The following SAMD5 variants were observed in gnomAD, a reference collection of about 807,000 sequenced individuals.
SAMD5 encodes sterile alpha motif domain-containing protein 5.
In SAMD5, 13 loss-of-function variants were observed where a neutral mutation model predicts 11.3. The observed-to-expected ratio is 1.15, with a 90% confidence interval of 0.75 to 1.83. The LOEUF (loss-of-function observed/expected upper bound fraction) is 1.83, where lower values mean the gene tolerates loss of function less well. SAMD5 is among the 40% of genes most tolerant of loss of function. The pLI, the probability that SAMD5 is intolerant of heterozygous loss-of-function variation, is 0.00. For missense variants in SAMD5, 255 were observed against 239.1 expected, an observed-to-expected ratio of 1.07 and a Z score of -0.44; for synonymous variants, 129 against 111.3, an observed-to-expected ratio of 1.16 and a Z score of -1.00.
At chr6:147,773,763 G>A in the SAMD5 span, among the ~76,000 whole-genome samples, 1 of 152,072 alleles carries the variant, frequency 6.6e-6, no homozygotes. Flanking sequence ...GTCAACATAT[G>A]AATGATCTGG....
At chr6:147,526,156 G>T (rs1487936216) in intron 1 of SAMD5, among the ~76,000 whole-genome samples, 1 of 152,208 alleles carries the variant, frequency 6.6e-6, no homozygotes, top group Non-Finnish European at 1.5e-5. Flanking sequence ...GGGAATGGGA[G>T]CAGTGTTTTG....
chr6:147,720,052 G>C (rs1470590218), intron 1 of SAMD5, among the ~76,000 whole-genome samples: 1 of 152,136 alleles, frequency 6.6e-6, no homozygotes, highest in African/African-American at 2.4e-5. Context: ...TCTTTCACAG[G>C]TCTAGATAAA....
chr6:147,772,948 A>G, the SAMD5 span, among the ~76,000 whole-genome samples: 4 of 152,132 alleles, frequency 2.6e-5, no homozygotes, highest in African/African-American at 4.8e-5. Context: ...AGTGCCCGCT[A>G]TGCTGTTTTG....
the SAMD5 span, among the ~76,000 whole-genome samples, chr6:147,815,925 C>T: frequency 6.6e-6 from 1 of 151,748 alleles, no homozygotes; most frequent in Non-Finnish European, 1.5e-5. Flanking sequence ...CAAAATGAGC[C>T]CCTTTTGGAA....
At chr6:147,577,431 A>G (rs1789232627) in intron 1 of SAMD5, among the ~76,000 whole-genome samples, 1 of 152,126 alleles carries the variant, frequency 6.6e-6, no homozygotes, top group Non-Finnish European at 1.5e-5. Flanking sequence ...CATTACAATA[A>G]TTGCCTCAAA....
At chr6:147,931,989 C>T in the SAMD5 span, among the ~76,000 whole-genome samples, 1 of 152,112 alleles carries the variant, frequency 6.6e-6, no homozygotes, top group Non-Finnish European at 1.5e-5. Context: ...AGAAATCTTC[C>T]ACATCTATCT....
At chr6:147,596,344 C>A (rs948198032) in intron 1 of SAMD5, among the ~76,000 whole-genome samples, 2 of 152,130 alleles carry the variant, frequency 1.3e-5, no homozygotes, top group African/African-American at 2.4e-5. Flanking sequence ...ATAAAATATT[C>A]TCAAGCATTA....
In SAMD5 at chr6:147,687,887, A is replaced by G. The variant is rs541262262; in HGVS notation, c.163-49430A>G. On this transcript the variant is annotated intron_variant, in intron 1 of 1. Transcript: ENST00000566741. The stretch of plus-strand genomic sequence containing the variant: ...TGGCAACATGAAATAGTAATGTGAC[A>G]TGTATAAGTCTGATTTTCCTGCTTG... Among the ~76,000 whole-genome samples, 23 of 152,322 alleles carry G rather than the reference A, an allele frequency of 1.5e-4. No homozygotes were observed. In the South Asian group the frequency reaches 4.3e-3, roughly 29 times the overall value.
At chr6:147,814,671 C>T in the SAMD5 span, among the ~76,000 whole-genome samples, 1 of 152,146 alleles carries the variant, frequency 6.6e-6, no homozygotes, top group Non-Finnish European at 1.5e-5. Context: ...ACTTAAGAGG[C>T]ACTAGGGGCC....
intron 1 of SAMD5, among the ~76,000 whole-genome samples, chr6:147,684,581 C>T (rs1790983211): frequency 6.6e-6 from 1 of 152,162 alleles, no homozygotes; most frequent in Non-Finnish European, 1.5e-5. Flanking sequence ...CCAACAGTGC[C>T]TGAGAATTCA....
At chr6:147,931,983 A>G in the SAMD5 span, among the ~76,000 whole-genome samples, 69 of 152,312 alleles carry the variant, frequency 4.5e-4, no homozygotes, top group African/African-American at 1.5e-3. Context: ...TTTCACAGAA[A>G]TCTTCCACAT....
chr6:147,770,636 A>G, the SAMD5 span, among the ~76,000 whole-genome samples: 19 of 152,314 alleles, frequency 1.2e-4, no homozygotes, highest in African/African-American at 3.8e-4. Context: ...TTTTTCACCA[A>G]TGGAGTAGAT....
chr6:147,645,094 C>A (rs996202442), intron 1 of SAMD5, among the ~76,000 whole-genome samples: 1 of 152,126 alleles, frequency 6.6e-6, no homozygotes, highest in East Asian at 1.9e-4. Context: ...CCAGAATCCC[C>A]GGACTTTAAC....
At chr6:147,621,163 C>T (rs1391174595) in intron 1 of SAMD5, among the ~76,000 whole-genome samples, 3 of 152,156 alleles carry the variant, frequency 2.0e-5, no homozygotes, top group African/African-American at 7.2e-5. Context: ...GCCAAGCTTC[C>T]TGTATGCTTT....
At chr6:147,668,908 A>G (rs1790758088) in intron 1 of SAMD5, among the ~76,000 whole-genome samples, 4 of 152,206 alleles carry the variant, frequency 2.6e-5, no homozygotes, top group South Asian at 2.1e-4. Flanking sequence ...TGTCTAAAAA[A>G]CAATGTACAT....
chr6:147,835,240 A>C, the SAMD5 span, among the ~76,000 whole-genome samples: 62 of 150,648 alleles, frequency 4.1e-4, 1 homozygote, highest in Non-Finnish European at 7.4e-4. Flanking sequence ...CTTAAAAAAA[A>C]AAAAAACAAA....
intron 1 of SAMD5, among the ~76,000 whole-genome samples, chr6:147,637,003 C>A (rs1468904586): frequency 2.6e-5 from 4 of 152,014 alleles, no homozygotes; most frequent in African/African-American, 4.8e-5. Context: ...CAAGTGAGAA[C>A]AATGAAGAGG....
chr6:147,735,336 G>A (rs1791781056), intron 1 of SAMD5, among the ~76,000 whole-genome samples: 1 of 152,150 alleles, frequency 6.6e-6, no homozygotes, highest in African/African-American at 2.4e-5. Context: ...GTTTTTTGTT[G>A]TGGCTTTGAT....
At chr6:147,723,525 C>T (rs1791584258) in intron 1 of SAMD5, among the ~76,000 whole-genome samples, 1 of 152,200 alleles carries the variant, frequency 6.6e-6, no homozygotes, top group Non-Finnish European at 1.5e-5. Flanking sequence ...CAGTTACCTC[C>T]TGCATGGTTG....
Sources: allele counts gnomAD v4.1 joint callset (sites outside exome capture counted in the v4.1 genomes callset), GRCh38; gene constraint gnomAD v4.1.1; transcripts MANE v1.5; gene names NCBI Gene and HGNC (gene_info 2026-07-23, HGNC 2026-07-21).